The following DOK6 variants were observed in gnomAD, a reference collection of about 807,000 sequenced individuals.
DOK6 encodes downstream of tyrosine kinase 6.
DOK6 carries 22 observed loss-of-function variants against 44.0 expected under a neutral mutation model. The ratio of observed to expected loss-of-function variants is 0.50; its 90% CI spans 0.36 to 0.71. DOK6 has a LOEUF of 0.71. Ranked by LOEUF, DOK6 falls within the 30% of genes least tolerant of loss-of-function variation. The pLI is 0.00. For missense variants in DOK6, 340 were observed against 416.4 expected (o/e 0.82, Z 1.60); for synonymous variants, 166 against 145.5 (o/e 1.14, Z -1.01).
intron 2 of DOK6, among the ~76,000 whole-genome samples, chr18:69,565,501 GTGTGTGTGTGTGTGTGTGTGTATATATA>G (rs1210223522): frequency 0.01 from 498 of 47,682 alleles, 8 homozygotes; most frequent in African/African-American, 0.029. Flanking sequence ...GTGTGTGTGT[GTGTGTGTGTGTGTGTGTGTGTATATATA>G]TATACATAAT....
In DOK6 at chr18:69,423,639, C is replaced by G. The variant is rs141911715; in HGVS notation, c.66+22329C>G. The stretch of plus-strand genomic sequence containing the variant: ...GGTTTTTAAAATGTGTGTATGTTCA[C>G]TTTACTAGATGTTTTCAGATTGCTC... On this transcript the variant is annotated intron_variant, in intron 1 of 7. Coordinates refer to ENST00000382713, the MANE Select transcript of DOK6 (RefSeq NM_152721.6). 2.0e-5 allele frequency among the ~76,000 whole-genome samples: 3 copies of G among 152,274 alleles called. No homozygotes were observed. The East Asian group carries it at 5.8e-4, about 29-fold the overall frequency.
intron 1 of DOK6, among the ~76,000 whole-genome samples, chr18:69,410,983 T>C (rs1388128633): frequency 1.3e-5 from 2 of 152,178 alleles, no homozygotes; most frequent in Non-Finnish European, 2.9e-5. Flanking sequence ...TTATGTTTTA[T>C]GTTCTTTTCT....
chr18:69,402,505 C>G (rs1371578569), intron 1 of DOK6, among the ~76,000 whole-genome samples: 1 of 152,206 alleles, frequency 6.6e-6, no homozygotes, highest in Non-Finnish European at 1.5e-5. Flanking sequence ...GGCAGATCAC[C>G]AAGCACCAGG....
At chr18:69,729,434 CT>C (rs1302244818) in intron 5 of DOK6, among the ~76,000 whole-genome samples, 2 of 152,016 alleles carry the variant, frequency 1.3e-5, no homozygotes, top group Non-Finnish European at 2.9e-5. Context: ...ACATGTTTGT[CT>C]TTTTAGCAAG....
At chr18:69,746,033 A>G (rs1599302032) in intron 6 of DOK6, among the ~76,000 whole-genome samples, 2 of 152,290 alleles carry the variant, frequency 1.3e-5, no homozygotes, top group Admixed American at 1.3e-4. Context: ...TGTATTTATC[A>G]TGTTCCTTTT....
At chr18:69,670,510 ATTTTTTTTT>A (rs34425516) in intron 3 of DOK6, among the ~76,000 whole-genome samples, 1 of 137,094 alleles carries the variant, frequency 7.3e-6, no homozygotes, top group Non-Finnish European at 1.5e-5. Context: ...TTGTGCATCA[ATTTTTTTTT>A]TTTTTTTTTG....
intron 1 of DOK6, among the ~76,000 whole-genome samples, chr18:69,493,532 T>G (rs575849293): frequency 3.3e-5 from 5 of 152,336 alleles, no homozygotes; most frequent in African/African-American, 1.2e-4. Flanking sequence ...TAGGGGATAT[T>G]AATACATGCT....
At chr18:69,649,807 A>C (rs1024576095) in intron 3 of DOK6, among the ~76,000 whole-genome samples, 28 of 152,202 alleles carry the variant, frequency 1.8e-4, no homozygotes, top group Non-Finnish European at 3.1e-4. Flanking sequence ...GCAAGACCTA[A>C]ATAAAAACAA....
chr18:69,442,621 G>A (rs1979168189), intron 1 of DOK6, among the ~76,000 whole-genome samples: 1 of 152,118 alleles, frequency 6.6e-6, no homozygotes, highest in African/African-American at 2.4e-5. Flanking sequence ...TTTGGGTGGG[G>A]ATACAGAGAC....
chr18:69,733,888 CAA>C (rs1442252052), intron 5 of DOK6, among the ~76,000 whole-genome samples: 1 of 152,018 alleles, frequency 6.6e-6, no homozygotes, highest in African/African-American at 2.4e-5. Flanking sequence ...CTAGATGAAA[CAA>C]GAGGAATTAG....
At chr18:69,657,389 G>A (rs1985396677) in intron 3 of DOK6, among the ~76,000 whole-genome samples, 1 of 152,178 alleles carries the variant, frequency 6.6e-6, no homozygotes, top group Non-Finnish European at 1.5e-5. Context: ...CCTGAGACTG[G>A]GATGGAAGCT....
At chr18:69,424,793 C>T (rs775284287) in intron 1 of DOK6, among the ~76,000 whole-genome samples, 33 of 152,088 alleles carry the variant, frequency 2.2e-4, no homozygotes, top group Admixed American at 3.3e-4. Context: ...TTATTTGTTC[C>T]CATATAGGTA....
At chr18:69,630,280 A>C (rs572603599) in intron 3 of DOK6, among the ~76,000 whole-genome samples, 1 of 152,328 alleles carries the variant, frequency 6.6e-6, no homozygotes, top group African/African-American at 2.4e-5. Flanking sequence ...ATGTTTCAAA[A>C]GCCAACTGGA....
intron 7 of DOK6, among the ~76,000 whole-genome samples, chr18:69,798,359 C>G (rs1790580): frequency 0.45 from 69,020 of 151,766 alleles, 16,685 homozygotes; most frequent in East Asian, 0.59. Flanking sequence ...TTATTGTGAA[C>G]GATGGTTATA....
rs1217257268 is a variant in DOK6, at chr18:69,541,708, C to A, written c.67-22779C>A. 1.8e-4 allele frequency among the ~76,000 whole-genome samples: 28 copies of A among 151,398 alleles called. 1 individual carries two copies. The highest frequency in any genetic ancestry group is 1.8e-3 in the Admixed American group (27 of 15,144). ...ACAGGAGAAATGAAACTTCTATATG[C>A]TGATTTACAAAAACAGAAGAGTATG... On this transcript the variant is annotated intron_variant, in intron 1 of 7. Coordinates refer to ENST00000382713, the MANE Select transcript of DOK6 (RefSeq NM_152721.6).
chr18:69,611,581 C>A (rs923992912), intron 3 of DOK6, among the ~76,000 whole-genome samples: 5 of 151,776 alleles, frequency 3.3e-5, no homozygotes, highest in Admixed American at 2.0e-4. Flanking sequence ...GGAAAGAACT[C>A]AGATGTCCTT....
intron 3 of DOK6, chr18:69,661,365 C>T (rs1390470984): frequency 6.6e-6 from 1 of 152,220 alleles, no homozygotes; most frequent in Admixed American, 6.5e-5. Flanking sequence ...CAACAACGGC[C>T]TCACATCTTA....
intron 3 of DOK6, among the ~76,000 whole-genome samples, chr18:69,647,073 C>CATCTGTCTATCCT (rs1568321195): frequency 7.3e-5 from 9 of 123,068 alleles, no homozygotes; most frequent in South Asian, 2.5e-4. Context: ...CTGTCTATCC[C>CATCTGTCTATCCT]ATCTGTCTAT....
chr18:69,687,480 G>C (rs59600254), intron 4 of DOK6, among the ~76,000 whole-genome samples: 1 of 152,006 alleles, frequency 6.6e-6, no homozygotes, highest in Non-Finnish European at 1.5e-5. Flanking sequence ...TCAGGAGTTC[G>C]AGACCAGCCT....
Sources: allele counts gnomAD v4.1 joint callset (sites outside exome capture counted in the v4.1 genomes callset), GRCh38; gene constraint gnomAD v4.1.1; transcripts MANE v1.5; gene names NCBI Gene and HGNC (gene_info 2026-07-23, HGNC 2026-07-21).